KLHL1: variants seen among roughly 807,000 people sequenced by gnomAD.
KLHL1 encodes the protein kelch-like protein 1.
Under a neutral mutation model 77.7 loss-of-function variants are expected in KLHL1, and 47 were observed. That is an observed-to-expected ratio of 0.60 (90% CI 0.48 to 0.77). KLHL1 has a LOEUF of 0.77. KLHL1 is among the 30% of genes least tolerant of loss of function. The probability of loss-of-function intolerance (pLI) is 0.00; values close to 1 mark genes in which losing one functional copy is unlikely to be tolerated. For missense variants in KLHL1, 925 were observed against 910.8 expected, an observed-to-expected ratio of 1.02 and a Z score of -0.20; for synonymous variants, 360 against 325.2, an observed-to-expected ratio of 1.11 and a Z score of -1.15.
intron 3 of KLHL1, among the ~76,000 whole-genome samples, chr13:69,952,170 A>G (rs1883730855): frequency 6.6e-6 from 1 of 151,440 alleles, no homozygotes; most frequent in Non-Finnish European, 1.5e-5. Context: ...GTCCTATTAC[A>G]TCGTTTTTGA....
chr13:69,704,452 C>T (rs1052855359), intron 10 of KLHL1, among the ~76,000 whole-genome samples: 6 of 151,652 alleles, frequency 4.0e-5, no homozygotes, highest in East Asian at 1.9e-4. Flanking sequence ...CTCAGTGAGA[C>T]ATACCACGTG....
chr13:69,821,248 G>A (rs186809411), intron 6 of KLHL1, among the ~76,000 whole-genome samples: 1 of 152,022 alleles, frequency 6.6e-6, no homozygotes, highest in Non-Finnish European at 1.5e-5. Flanking sequence ...AAATTATTAC[G>A]AGAAAATAAA....
intron 4 of KLHL1, among the ~76,000 whole-genome samples, chr13:69,901,100 A>T (rs1304401686): frequency 1.3e-5 from 2 of 152,216 alleles, no homozygotes; most frequent in African/African-American, 2.4e-5. Context: ...CATTTGTAAG[A>T]CACTGTACAT....
At chr13:70,087,865 A>T (rs371660821) in intron 1 of KLHL1, among the ~76,000 whole-genome samples, 8 of 152,052 alleles carry the variant, frequency 5.3e-5, no homozygotes, top group Admixed American at 5.2e-4. Flanking sequence ...GTAGGATTAC[A>T]AATAGATGCT....
chr13:69,873,229 G>C (rs1033729725), intron 5 of KLHL1, among the ~76,000 whole-genome samples: 8 of 152,018 alleles, frequency 5.3e-5, no homozygotes, highest in Admixed American at 1.3e-4. Flanking sequence ...ATATCATCAG[G>C]TCTCCTGTCC....
chr13:69,816,264 CTTTT>C (rs1219634338), intron 6 of KLHL1, among the ~76,000 whole-genome samples: 2 of 137,712 alleles, frequency 1.5e-5, no homozygotes, highest in Non-Finnish European at 3.2e-5. Flanking sequence ...AATTTTTTTT[CTTTT>C]TTTTTTTTTT....
chr13:69,863,883 T>A (rs1043148203), intron 5 of KLHL1, among the ~76,000 whole-genome samples: 14 of 152,084 alleles, frequency 9.2e-5, no homozygotes, highest in Admixed American at 2.6e-4. Flanking sequence ...GATATTCTCT[T>A]TTCTTGAGCT....
intron 3 of KLHL1, among the ~76,000 whole-genome samples, chr13:69,958,282 T>G (rs2137265561): frequency 6.6e-6 from 1 of 151,812 alleles, no homozygotes; most frequent in East Asian, 1.9e-4. Flanking sequence ...CATGTTTGCT[T>G]TAGTTCTTAC....
intron 4 of KLHL1, among the ~76,000 whole-genome samples, chr13:69,906,717 TTC>T (rs1216271831): frequency 6.6e-6 from 1 of 151,950 alleles, no homozygotes. Context: ...AAAATTTATA[TTC>T]TGACTTTTCT....
At chr13:69,972,855 C>T (rs1007463520) in intron 2 of KLHL1, among the ~76,000 whole-genome samples, 1 of 151,780 alleles carries the variant, frequency 6.6e-6, no homozygotes, top group African/African-American at 2.4e-5. Flanking sequence ...TTCAAATATC[C>T]AATTTTAATA....
At chr13:69,800,541 A>C (rs1402152260) in intron 6 of KLHL1, among the ~76,000 whole-genome samples, 1 of 152,208 alleles carries the variant, frequency 6.6e-6, no homozygotes, top group Non-Finnish European at 1.5e-5. Flanking sequence ...TTCAAATGTC[A>C]GCAGGTATTG....
chr13:69,891,085 T>G (rs1881411747), intron 4 of KLHL1, among the ~76,000 whole-genome samples: 1 of 152,096 alleles, frequency 6.6e-6, no homozygotes, highest in Admixed American at 6.5e-5. Context: ...TGTTAGTTTC[T>G]TCCTTAATAA....
intron 6 of KLHL1, among the ~76,000 whole-genome samples, chr13:69,835,315 A>G (rs891003329): frequency 1.3e-5 from 2 of 152,154 alleles, no homozygotes; most frequent in Non-Finnish European, 2.9e-5. Context: ...AATTATTTGC[A>G]TTGCTCGTCT....
At chr13:69,846,494 T>C (rs1333378873) in intron 5 of KLHL1, among the ~76,000 whole-genome samples, 3 of 151,630 alleles carry the variant, frequency 2.0e-5, no homozygotes, top group African/African-American at 7.2e-5. Context: ...AGAAATGTCA[T>C]GAACTTTTAA....
intron 1 of KLHL1, among the ~76,000 whole-genome samples, chr13:70,047,871 G>C (rs1051252313): frequency 1.3e-5 from 2 of 152,146 alleles, no homozygotes; most frequent in African/African-American, 4.8e-5. Context: ...ATATAAAGGG[G>C]GAAGTGCAGT....
intron 6 of KLHL1, among the ~76,000 whole-genome samples, chr13:69,818,122 T>C (rs2138073556): frequency 6.6e-6 from 1 of 152,158 alleles, no homozygotes; most frequent in South Asian, 2.1e-4. Flanking sequence ...TATTTTATTC[T>C]TGGATTAAGA....
intron 4 of KLHL1, among the ~76,000 whole-genome samples, chr13:69,891,569 T>C (rs543509187): frequency 1.3e-5 from 2 of 152,204 alleles, no homozygotes; most frequent in South Asian, 4.1e-4. Context: ...ATTCTAATTC[T>C]GATCCTTTCT....
At chr13:69,713,300 A>T (rs1204690153) in intron 9 of KLHL1, among the ~76,000 whole-genome samples, 1 of 152,170 alleles carries the variant, frequency 6.6e-6, no homozygotes, top group Non-Finnish European at 1.5e-5. Flanking sequence ...TTTATGCCTA[A>T]CACTGGCTAG....
chr13:69,775,242 C>G (rs1472659594), intron 7 of KLHL1, among the ~76,000 whole-genome samples: 1 of 151,810 alleles, frequency 6.6e-6, no homozygotes, highest in Admixed American at 6.6e-5. Flanking sequence ...CAAATGACAT[C>G]TAAAGAGATG....
Sources: allele counts gnomAD v4.1 joint callset (sites outside exome capture counted in the v4.1 genomes callset), GRCh38; gene constraint gnomAD v4.1.1; transcripts MANE v1.5; gene names NCBI Gene and HGNC (gene_info 2026-07-23, HGNC 2026-07-21).